Variants in SUMF1 observed in about 807,000 individuals in gnomAD.
SUMF1 encodes the protein sulfatase modifying factor 1, also known as formylglycine-generating enzyme.
Under a neutral mutation model 47.6 loss-of-function variants are expected in SUMF1, and 48 were observed. That is an observed-to-expected ratio of 1.01 (90% confidence interval 0.80 to 1.28). The LOEUF is 1.28. Among genes scored for constraint, SUMF1 ranks in the 50% most tolerant of loss-of-function variants. SUMF1 has a pLI of 0.00. For synonymous variants in SUMF1, 230 were observed against 192.1 expected (o/e 1.20, Z -1.63); for missense variants, 571 against 485.4 (o/e 1.18, Z -1.66).
chr3:4,134,292 C>G (rs1166638588), intron 8 of SUMF1, among the ~76,000 whole-genome samples: 1 of 152,074 alleles, frequency 6.6e-6, no homozygotes. Context: ...TGCAATCAAA[C>G]TAGAACTCAG....
At chr3:4,421,431 G>A (rs1701894017) in intron 3 of SUMF1, among the ~76,000 whole-genome samples, 1 of 152,114 alleles carries the variant, frequency 6.6e-6, no homozygotes, top group Non-Finnish European at 1.5e-5. Flanking sequence ...GTCACAAGGA[G>A]AGCCACAAAA....
intron 3 of SUMF1, among the ~76,000 whole-genome samples, chr3:4,446,637 TTATCTGA>T (rs1274704530): frequency 2.0e-5 from 3 of 152,178 alleles, no homozygotes; most frequent in African/African-American, 7.2e-5. Flanking sequence ...AACCCACCAA[TTATCTGA>T]TGTCTTACTG....
Position 4,158,925 on chromosome 3 carries a change from T to C in SUMF1, c.1015-90180A>G, listed in dbSNP as rs570315676. ...CAACAGATCGTTGAGTCTCTTTTTT[T>C]ATCCACTCAGCTACTCTACATTTTT... On this transcript the variant is annotated intron_variant and NMD_transcript_variant, in intron 8 of 12. Transcript: ENST00000448413. Among the ~76,000 whole-genome samples the C allele has an allele frequency of 3.4e-4, 52 of 151,750 alleles. 2 individuals carry two copies. Among genetic ancestry groups the C allele is most frequent in the Admixed American group, 3.4e-3 (52 of 15,284 alleles).
intron 8 of SUMF1, among the ~76,000 whole-genome samples, chr3:4,197,106 G>T (rs74459360): frequency 1.3e-5 from 2 of 152,194 alleles, no homozygotes; most frequent in East Asian, 3.9e-4. Context: ...ATAGGCTTAG[G>T]AGTTCAGAAA....
At chr3:4,409,369 C>A (rs1378444254) in intron 7 of SUMF1, among the ~76,000 whole-genome samples, 1 of 152,174 alleles carries the variant, frequency 6.6e-6, no homozygotes, top group Non-Finnish European at 1.5e-5. Flanking sequence ...GCAAGGGCAA[C>A]ATCCAGGATA....
chr3:4,358,360 A>AAC (rs1699668588), downstream of SUMF1, among the ~76,000 whole-genome samples: 2 of 151,538 alleles, frequency 1.3e-5, no homozygotes, highest in Admixed American at 1.3e-4. Flanking sequence ...AGAGTTCCTA[A>AAC]AACAACAACA....
At chr3:4,089,156 C>T (rs977516507) in intron 8 of SUMF1, among the ~76,000 whole-genome samples, 1 of 152,044 alleles carries the variant, frequency 6.6e-6, no homozygotes, top group African/African-American at 2.4e-5. Flanking sequence ...GAAACTCCAC[C>T]CTTTTGCTCC....
intron 8 of SUMF1, among the ~76,000 whole-genome samples, chr3:4,136,448 C>T (rs1158756063): frequency 2.8e-4 from 42 of 152,044 alleles, no homozygotes; most frequent in Non-Finnish European, 2.8e-4. Context: ...ATCCCTTCCT[C>T]ACACCTTATA....
intron 8 of SUMF1, among the ~76,000 whole-genome samples, chr3:4,069,252 C>T (rs1218419457): frequency 3.9e-5 from 6 of 152,080 alleles, no homozygotes; most frequent in Non-Finnish European, 5.9e-5. Context: ...GGCAGTGATC[C>T]GTGTAGGGTC....
intron 8 of SUMF1, among the ~76,000 whole-genome samples, chr3:4,137,817 C>G (rs572325522): frequency 3.9e-5 from 6 of 151,916 alleles, no homozygotes; most frequent in Admixed American, 2.6e-4. Flanking sequence ...AGAGCAACTG[C>G]GCAGAAAAAG....
At chr3:4,419,745 G>T (rs1272625494) in intron 4 of SUMF1, among the ~76,000 whole-genome samples, 2 of 152,142 alleles carry the variant, frequency 1.3e-5, no homozygotes, top group African/African-American at 4.8e-5. Context: ...AATGGAAACA[G>T]AATGTAAAGA....
At chr3:4,174,380 A>G (rs1044101324) in intron 8 of SUMF1, among the ~76,000 whole-genome samples, 5 of 138,582 alleles carry the variant, frequency 3.6e-5, no homozygotes, top group Admixed American at 2.9e-4. Flanking sequence ...AAAAAAAATT[A>G]TGGTTACCCA....
chr3:4,432,730 G>C (rs896723159), intron 3 of SUMF1, among the ~76,000 whole-genome samples: 1 of 152,146 alleles, frequency 6.6e-6, no homozygotes, highest in African/African-American at 2.4e-5. Flanking sequence ...ATCACAGTCA[G>C]TTATAAATTT....
intron 1 of SUMF1, among the ~76,000 whole-genome samples, chr3:4,457,545 C>G (rs1051410749): frequency 4.6e-5 from 7 of 152,098 alleles, no homozygotes; most frequent in African/African-American, 1.2e-4. Context: ...AAAGCTAACA[C>G]AAAAACCAAT....
chr3:4,215,702 G>C (rs1005519569), intron 8 of SUMF1, among the ~76,000 whole-genome samples: 22 of 152,164 alleles, frequency 1.4e-4, no homozygotes, highest in Admixed American at 1.2e-3. Context: ...AAAGTCTCAG[G>C]ATACAAAATC....
At chr3:4,133,884 C>T (rs963650326) in intron 8 of SUMF1, among the ~76,000 whole-genome samples, 2 of 151,978 alleles carry the variant, frequency 1.3e-5, no homozygotes, top group Non-Finnish European at 2.9e-5. Flanking sequence ...AAAGTGGGGG[C>T]ATTGACTGGG....
chr3:4,447,931 A>T (rs965116431), intron 3 of SUMF1, among the ~76,000 whole-genome samples: 4 of 152,174 alleles, frequency 2.6e-5, no homozygotes, highest in Admixed American at 2.6e-4. Flanking sequence ...AAATTACAAA[A>T]ATAAGCGCAA....
intron 8 of SUMF1, among the ~76,000 whole-genome samples, chr3:4,282,663 G>A (rs1359935909): frequency 1.3e-5 from 2 of 152,172 alleles, no homozygotes; most frequent in Non-Finnish European, 2.9e-5. Context: ...GAGAACTGTT[G>A]CTCAGTCAAT....
At chr3:4,140,787 G>A (rs1678106268) in intron 8 of SUMF1, among the ~76,000 whole-genome samples, 1 of 151,894 alleles carries the variant, frequency 6.6e-6, no homozygotes, top group African/African-American at 2.4e-5. Flanking sequence ...CCTCAAAGTA[G>A]AGGGATATCC....
Sources: allele counts gnomAD v4.1 joint callset (sites outside exome capture counted in the v4.1 genomes callset), GRCh38; gene constraint gnomAD v4.1.1; transcripts MANE v1.5; gene names NCBI Gene and HGNC (gene_info 2026-07-23, HGNC 2026-07-21).